SH3RF3: variants seen among roughly 807,000 people sequenced by gnomAD.
SH3RF3 encodes the protein SH3 domain containing ring finger 3, also known as E3 ubiquitin-protein ligase SH3RF3.
A neutral mutation model predicts 66.3 loss-of-function variants in SH3RF3; 29 were observed. That is an observed-to-expected ratio of 0.44 (90% CI 0.33 to 0.60). SH3RF3 has a LOEUF of 0.60. Among genes scored for constraint, SH3RF3 ranks in the 20% least tolerant of loss-of-function variants. The probability of loss-of-function intolerance (pLI) is 0.04; values close to 1 mark genes in which losing one functional copy is unlikely to be tolerated. For missense variants in SH3RF3, 1,194 were observed against 1,190.9 expected (o/e 1.00, Z -0.04); for synonymous variants, 583 against 532.0 (o/e 1.10, Z -1.32).
At chr2:109,349,683 G>GA (rs1682797531) in intron 2 of SH3RF3, among the ~76,000 whole-genome samples, 1 of 152,214 alleles carries the variant, frequency 6.6e-6, no homozygotes, top group Non-Finnish European at 1.5e-5. Flanking sequence ...CCTCCTCCAG[G>GA]GGCCTCACAG....
At chr2:109,289,941 T>TG (rs1681122410) in intron 1 of SH3RF3, among the ~76,000 whole-genome samples, 1 of 152,188 alleles carries the variant, frequency 6.6e-6, no homozygotes, top group Admixed American at 6.5e-5. Flanking sequence ...CCAAAGCCTA[T>TG]GGGGCTCTTG....
At chr2:109,239,888 G>C (rs1470626682) in intron 1 of SH3RF3, among the ~76,000 whole-genome samples, 1 of 152,206 alleles carries the variant, frequency 6.6e-6, no homozygotes, top group Non-Finnish European at 1.5e-5. Flanking sequence ...AATGTGTGCT[G>C]AAGGTGAGGA....
chr2:109,223,198 T>C (rs975064174), intron 1 of SH3RF3, among the ~76,000 whole-genome samples: 48 of 152,240 alleles, frequency 3.2e-4, no homozygotes, highest in African/African-American at 1.2e-3. Context: ...ATGAATGCTT[T>C]GTCCCCCTTT....
chr2:109,155,502 G>C (rs888564764), intron 1 of SH3RF3, among the ~76,000 whole-genome samples: 3 of 151,944 alleles, frequency 2.0e-5, no homozygotes, highest in Non-Finnish European at 4.4e-5. Flanking sequence ...GGGGTTTCAC[G>C]GTGTTAGCCA....
intron 1 of SH3RF3, among the ~76,000 whole-genome samples, chr2:109,188,728 T>C (rs1177194520): frequency 2.0e-5 from 3 of 152,176 alleles, no homozygotes; most frequent in African/African-American, 4.8e-5. Flanking sequence ...TTGCCGTCAG[T>C]GTGTGCTTTG....
chr2:109,305,564 G>A (rs964615819), intron 1 of SH3RF3, among the ~76,000 whole-genome samples: 3 of 152,154 alleles, frequency 2.0e-5, no homozygotes, highest in Non-Finnish European at 2.9e-5. Flanking sequence ...AGGAAGCTCC[G>A]TACAAGCAGT....
intron 9 of SH3RF3, among the ~76,000 whole-genome samples, chr2:109,496,739 T>A (rs1679271147): frequency 6.6e-6 from 1 of 152,086 alleles, no homozygotes; most frequent in South Asian, 2.1e-4. Flanking sequence ...GTCTATGCCC[T>A]AAACCCTAAA....
intron 1 of SH3RF3, among the ~76,000 whole-genome samples, chr2:109,292,767 T>G (rs1287569246): frequency 6.6e-6 from 1 of 152,172 alleles, no homozygotes; most frequent in Admixed American, 6.5e-5. Context: ...AGTTTCACTC[T>G]TGTTGCCCAG....
intron 1 of SH3RF3, among the ~76,000 whole-genome samples, chr2:109,185,222 A>G (rs1383124222): frequency 6.6e-6 from 1 of 152,230 alleles, no homozygotes; most frequent in Non-Finnish European, 1.5e-5. Flanking sequence ...TATATTTATC[A>G]AGTGGAAGAA....
chr2:109,157,020 ATT>A (rs1677362834), intron 1 of SH3RF3, among the ~76,000 whole-genome samples: 1 of 152,210 alleles, frequency 6.6e-6, no homozygotes, highest in African/African-American at 2.4e-5. Flanking sequence ...ACTCCAGGTC[ATT>A]TTTCCATCAT....
At chr2:109,458,704 T>C (rs1366009809) in intron 8 of SH3RF3, among the ~76,000 whole-genome samples, 1 of 152,212 alleles carries the variant, frequency 6.6e-6, no homozygotes, top group Non-Finnish European at 1.5e-5. Context: ...TGCTGTGCAG[T>C]CTTGAGGCAG....
chr2:109,153,392 G>A (rs968739941), intron 1 of SH3RF3, among the ~76,000 whole-genome samples: 1 of 152,148 alleles, frequency 6.6e-6, no homozygotes, highest in Admixed American at 6.5e-5. Flanking sequence ...GTTTGGAAAG[G>A]CAATTACGCT....
chr2:109,221,923 C>A (rs770559579), intron 1 of SH3RF3, among the ~76,000 whole-genome samples: 1 of 151,824 alleles, frequency 6.6e-6, no homozygotes, highest in Non-Finnish European at 1.5e-5. Flanking sequence ...TATTGCAGCA[C>A]TAGTCACAAT....
intron 1 of SH3RF3, among the ~76,000 whole-genome samples, chr2:109,145,361 A>C (rs949831192): frequency 6.6e-6 from 1 of 152,114 alleles, no homozygotes; most frequent in South Asian, 2.1e-4. Context: ...GGCCCTGCTC[A>C]TGACCCTGTG....
intron 4 of SH3RF3, among the ~76,000 whole-genome samples, chr2:109,405,202 C>T (rs900423623): frequency 7.2e-5 from 11 of 152,160 alleles, no homozygotes; most frequent in African/African-American, 2.7e-4. Flanking sequence ...GGAGAGACGC[C>T]TCAACTTCAG....
At chr2:109,208,953 C>T (rs1235473214) in intron 1 of SH3RF3, among the ~76,000 whole-genome samples, 1 of 152,204 alleles carries the variant, frequency 6.6e-6, no homozygotes, top group East Asian at 1.9e-4. Context: ...ACAGAGGTGT[C>T]TTTGGCCATG....
Position 109,414,873 on chromosome 2 carries a change from A to G in SH3RF3, c.1300-4666A>G, listed in dbSNP as rs561919422. ...AATCTTGTTGGTGGAGAAGGGACTG[A>G]TGGCCCCCACACATGTCCAAGTGCT... On this transcript the variant is annotated intron_variant, in intron 4 of 9. Coordinates refer to ENST00000309415, the MANE Select transcript of SH3RF3 (RefSeq NM_001099289.3). 6.6e-5 allele frequency among the ~76,000 whole-genome samples: 10 copies of G among 152,314 alleles called. No individual in the cohort carries two copies. In the East Asian group the frequency reaches 1.9e-3, roughly 29 times the overall value.
At chr2:109,428,110 T>C (rs1195205446) in intron 5 of SH3RF3, among the ~76,000 whole-genome samples, 16 of 152,068 alleles carry the variant, frequency 1.1e-4, no homozygotes, top group Non-Finnish European at 2.2e-4. Context: ...TGCACCTAGA[T>C]GGAAGAGGTG....
In SH3RF3 at chr2:109,214,244, A is replaced by G. The variant is rs149229022; in HGVS notation, c.573+84131A>G. On this transcript the variant is annotated intron_variant, in intron 1 of 9. Coordinates refer to ENST00000309415, the MANE Select transcript of SH3RF3 (RefSeq NM_001099289.3). ...CATGTGGTTTATGGGTAAAACCACA[A>G]GAGATAAGATCACCCAAAGGGAGTG... Among the ~76,000 whole-genome samples, 820 of 152,286 alleles carry G rather than the reference A, an allele frequency of 5.4e-3. 6 individuals carry two copies. The highest frequency in any genetic ancestry group is 7.2e-3 in the Non-Finnish European group (489 of 68,028).
Sources: gnomAD v4.1 joint callset for allele counts (sites outside exome capture counted in the v4.1 genomes callset) on GRCh38, gnomAD v4.1.1 for gene constraint, MANE v1.5 for transcripts, NCBI Gene and HGNC (gene_info 2026-07-23, HGNC 2026-07-21) for gene names.